The following NELL1 variants were observed in gnomAD, a reference collection of about 807,000 sequenced individuals.
NELL1 encodes the protein protein kinase C-binding protein NELL1.
In NELL1, 76 loss-of-function variants were observed where a neutral mutation model predicts 107.4. That is an observed-to-expected ratio of 0.71 (90% CI 0.59 to 0.86). NELL1 has a LOEUF of 0.86. Ranked by LOEUF, NELL1 falls within the 40% of genes least tolerant of loss-of-function variation. NELL1 has a pLI of 0.00. For missense variants in NELL1, 1,024 were observed against 1,005.5 expected (o/e 1.02, Z -0.25); for synonymous variants, 353 against 341.2 (o/e 1.03, Z -0.38).
intron 5 of NELL1, among the ~76,000 whole-genome samples, chr11:20,887,556 G>T (rs754359512): frequency 1.6e-4 from 25 of 152,186 alleles, no homozygotes; most frequent in Non-Finnish European, 2.6e-4. Context: ...CTGAGTGTTG[G>T]AATGGAAATT....
intron 9 of NELL1, among the ~76,000 whole-genome samples, chr11:20,933,202 C>T (rs1415051946): frequency 6.6e-6 from 1 of 152,182 alleles, no homozygotes; most frequent in Non-Finnish European, 1.5e-5. Flanking sequence ...GGTGTTGAGG[C>T]TGGCAGGCAG....
chr11:21,059,531 G>A (rs1853688555), intron 12 of NELL1, among the ~76,000 whole-genome samples: 1 of 151,684 alleles, frequency 6.6e-6, no homozygotes, highest in Admixed American at 6.6e-5. Context: ...TAATTACCCT[G>A]GTATAATATT....
chr11:21,228,610 C>G (rs1397922171), intron 13 of NELL1, among the ~76,000 whole-genome samples: 1 of 151,648 alleles, frequency 6.6e-6, no homozygotes, highest in Non-Finnish European at 1.5e-5. Context: ...CAGCCTTTCT[C>G]TGCAGTTTTA....
intron 16 of NELL1, among the ~76,000 whole-genome samples, chr11:21,557,913 GA>G (rs1426856989): frequency 6.6e-6 from 1 of 151,988 alleles, no homozygotes; most frequent in Non-Finnish European, 1.5e-5. Context: ...GGAAGAGAAA[GA>G]AAAATAAAAT....
intron 10 of NELL1, among the ~76,000 whole-genome samples, chr11:20,938,908 GTCTCTCTCTC>G (rs71443766): frequency 0.043 from 6,276 of 144,546 alleles, 139 homozygotes; most frequent in Non-Finnish European, 0.052. Flanking sequence ...TTCTCTCTCT[GTCTCTCTCTC>G]TCTCTCTCTC....
chr11:20,739,350 T>C (rs1855834767), intron 2 of NELL1, among the ~76,000 whole-genome samples: 1 of 152,216 alleles, frequency 6.6e-6, no homozygotes, highest in Admixed American at 6.5e-5. Context: ...TGTGCTGTAT[T>C]TGCAGATGGG....
chr11:20,775,030 A>G (rs1856722026), intron 2 of NELL1, among the ~76,000 whole-genome samples: 1 of 152,068 alleles, frequency 6.6e-6, no homozygotes, highest in South Asian at 2.1e-4. Context: ...ATTGGTGCTT[A>G]TTTTCTTCTT....
chr11:21,195,573 A>T lies in NELL1; in HGVS notation c.1427-33759A>T, dbSNP rs1039647682. On this transcript the variant is annotated intron_variant, in intron 13 of 19. Transcript: ENST00000357134. ...TTAGCCACATTAAGAAAAGTAAAAA[A>T]AAAAAAAAAAAAAAAGGGCAGTTAA... Among the ~76,000 whole-genome samples, 20 of 29,016 alleles carry T rather than the reference A, an allele frequency of 6.9e-4. No individual in the cohort carries two copies. In the South Asian group the frequency reaches 9.5e-3, roughly 14 times the overall value. The allele number at this position is 29,016 out of a possible 152,430, so 19.0% of individuals were successfully genotyped here. A position where few individuals can be genotyped will look rare whatever the true frequency, so the allele number is the denominator to read the frequency against.
At chr11:21,175,538 G>A (rs2133817738) in intron 13 of NELL1, among the ~76,000 whole-genome samples, 1 of 151,912 alleles carries the variant, frequency 6.6e-6, no homozygotes, top group South Asian at 2.1e-4. Flanking sequence ...GAACTTAATA[G>A]TAATCCACTG....
intron 3 of NELL1, among the ~76,000 whole-genome samples, chr11:20,809,011 G>A (rs1291925820): frequency 1.3e-5 from 2 of 152,128 alleles, no homozygotes. Context: ...TGTGTGTGTA[G>A]ATAGCTATTA....
At chr11:21,435,245 G>A (rs909244931) in intron 15 of NELL1, among the ~76,000 whole-genome samples, 6 of 152,008 alleles carry the variant, frequency 3.9e-5, no homozygotes, top group African/African-American at 9.7e-5. Flanking sequence ...GTGAAAGTGG[G>A]CATTCTATCT....
intron 12 of NELL1, among the ~76,000 whole-genome samples, chr11:20,975,762 A>ATATGTATTATATAATG (rs1564995300): frequency 3.9e-5 from 5 of 128,408 alleles, no homozygotes; most frequent in South Asian, 2.3e-4. Context: ...TACATATTAT[A>ATATGTATTATATAATG]TATGTATTAT....
intron 15 of NELL1, among the ~76,000 whole-genome samples, chr11:21,438,683 T>G (rs536933308): frequency 5.6e-4 from 85 of 152,136 alleles, no homozygotes; most frequent in Non-Finnish European, 9.6e-4. Context: ...TGGGTTATTT[T>G]AAAATCCCTG....
chr11:21,109,123 G>T (rs543729391), intron 12 of NELL1, among the ~76,000 whole-genome samples: 37 of 152,016 alleles, frequency 2.4e-4, no homozygotes, highest in Non-Finnish European at 5.3e-4. Flanking sequence ...CAGTTTCGTG[G>T]CATGGAGATA....
At chr11:21,464,682 C>A (rs771889524) in intron 15 of NELL1, among the ~76,000 whole-genome samples, 2 of 152,062 alleles carry the variant, frequency 1.3e-5, no homozygotes, top group Non-Finnish European at 2.9e-5. Context: ...TGAGACCCTG[C>A]CAAGTCCCAT....
chr11:21,345,609 A>G (rs1018850189), intron 14 of NELL1, among the ~76,000 whole-genome samples: 3 of 152,178 alleles, frequency 2.0e-5, no homozygotes, highest in Non-Finnish European at 4.4e-5. Flanking sequence ...CCAAGACATT[A>G]TGTTTCATGC....
intron 16 of NELL1, among the ~76,000 whole-genome samples, chr11:21,536,659 T>C (rs1436773472): frequency 6.6e-6 from 1 of 152,082 alleles, no homozygotes; most frequent in Non-Finnish European, 1.5e-5. Context: ...GGCCCTTTGG[T>C]GGTTGTTGTT....
At chr11:20,700,943 A>G (rs1033187106) in intron 2 of NELL1, among the ~76,000 whole-genome samples, 4 of 152,142 alleles carry the variant, frequency 2.6e-5, no homozygotes, top group Non-Finnish European at 1.5e-5. Context: ...AGTCTTTGCT[A>G]TTGTGAATAG....
At chr11:21,333,622 G>T (rs118112655) in intron 14 of NELL1, among the ~76,000 whole-genome samples, 1 of 152,034 alleles carries the variant, frequency 6.6e-6, no homozygotes, top group East Asian at 1.9e-4. Flanking sequence ...TCCATTTACT[G>T]TCACCATGGG....
Sources: gnomAD v4.1 joint callset for allele counts (sites outside exome capture counted in the v4.1 genomes callset) on GRCh38, gnomAD v4.1.1 for gene constraint, MANE v1.5 for transcripts, NCBI Gene and HGNC (gene_info 2026-07-23, HGNC 2026-07-21) for gene names.